The following TRPM3 variants were observed in gnomAD, a reference collection of about 807,000 sequenced individuals.
TRPM3 encodes the protein transient receptor potential cation channel subfamily M member 3.
In TRPM3, 77 loss-of-function variants were observed where a neutral mutation model predicts 181.2. The ratio of observed to expected loss-of-function variants is 0.42; its 90% confidence interval spans 0.35 to 0.51. TRPM3 has a LOEUF of 0.51. TRPM3 is among the 20% of genes least tolerant of loss of function. TRPM3 has a pLI of 0.01. For synonymous variants in TRPM3, 745 were observed against 796.4 expected (o/e 0.94, Z 1.09); for missense variants, 1,759 against 2,196.7 (o/e 0.80, Z 3.98).
chr9:71,028,200 A>T (rs76415262), intron 1 of TRPM3, among the ~76,000 whole-genome samples: 1 of 152,212 alleles, frequency 6.6e-6, no homozygotes, highest in Non-Finnish European at 1.5e-5. Context: ...CAAGAATTTC[A>T]TATTCTACCA....
chr9:70,783,532 C>A (rs10435960), intron 7 of TRPM3, among the ~76,000 whole-genome samples: 23,990 of 152,082 alleles, frequency 0.16, 2,381 homozygotes, highest in East Asian at 0.39. Context: ...AAGAGCCTAA[C>A]AGACCAAGGA....
chr9:70,845,250 G>A (rs1337027), intron 4 of TRPM3, among the ~76,000 whole-genome samples: 86,204 of 151,908 alleles, frequency 0.57, 24,818 homozygotes, highest in Non-Finnish European at 0.58. Context: ...TGTTATTTTT[G>A]TTTTTTGAGA....
chr9:70,758,058 C>T (rs2077404266), intron 8 of TRPM3, among the ~76,000 whole-genome samples: 1 of 152,192 alleles, frequency 6.6e-6, no homozygotes, highest in African/African-American at 2.4e-5. Flanking sequence ...TTGTACATGA[C>T]ATGATTGTAT....
At chr9:71,076,815 AGT>A (rs1312903959) in intron 1 of TRPM3, among the ~76,000 whole-genome samples, 2 of 152,222 alleles carry the variant, frequency 1.3e-5, no homozygotes, top group African/African-American at 4.8e-5. Context: ...CATTAGGTAC[AGT>A]GTGATTGAGA....
intron 8 of TRPM3, chr9:70,761,324 A>T (rs2078089890): frequency 3.2e-6 from 2 of 616,432 alleles, no homozygotes; most frequent in Non-Finnish European, 5.9e-6. Flanking sequence ...CAATTTTATC[A>T]CTTCAACTCA....
At chr9:71,084,808 C>A (rs899134876) in intron 1 of TRPM3, among the ~76,000 whole-genome samples, 2 of 151,722 alleles carry the variant, frequency 1.3e-5, no homozygotes, top group African/African-American at 4.8e-5. Context: ...CAGAAAAGAG[C>A]CTGAACAGTG....
intron 1 of TRPM3, among the ~76,000 whole-genome samples, chr9:71,047,620 T>C (rs1815591202): frequency 6.6e-6 from 1 of 152,186 alleles, no homozygotes; most frequent in Non-Finnish European, 1.5e-5. Context: ...AACATGTTGC[T>C]CATTCTATTA....
intron 1 of TRPM3, among the ~76,000 whole-genome samples, chr9:70,949,230 T>C (rs982049742): frequency 2.6e-5 from 4 of 151,944 alleles, no homozygotes; most frequent in Non-Finnish European, 4.4e-5. Context: ...TTTTTAAAAA[T>C]AATTTTTAGT....
At chr9:70,928,706 G>A (rs1463203376) in intron 1 of TRPM3, among the ~76,000 whole-genome samples, 4 of 152,170 alleles carry the variant, frequency 2.6e-5, no homozygotes, top group Admixed American at 2.6e-4. Flanking sequence ...AAGAAATCAG[G>A]AGGCCCTGAG....
chr9:71,225,071 AC>A (rs1370962504), intron 1 of TRPM3, among the ~76,000 whole-genome samples: 1 of 152,172 alleles, frequency 6.6e-6, no homozygotes, highest in Admixed American at 6.5e-5. Flanking sequence ...AATGTCCCAA[AC>A]CTATAGAAGG....
chr9:70,830,996 T>C (rs1467878894), intron 5 of TRPM3, among the ~76,000 whole-genome samples: 5 of 152,060 alleles, frequency 3.3e-5, no homozygotes, highest in Non-Finnish European at 7.4e-5. Flanking sequence ...TCAATGTAAG[T>C]AAAGAAAAAA....
In TRPM3 at chr9:71,144,476, T is replaced by G. The variant is rs146543741; in HGVS notation, c.184-279965A>C. The stretch of plus-strand genomic sequence containing the variant: ...CTAGACTGTTCTTAAGAATTGTTAT[T>G]GTACCCTTAAGATAAGAAGAATATC... On this transcript the variant is annotated intron_variant, in intron 1 of 24. Transcript: ENST00000357533. Among the ~76,000 whole-genome samples the G allele has an allele frequency of 1.4e-3, 214 of 152,290 alleles. 2 individuals are homozygous for G. Among genetic ancestry groups the G allele is most frequent in the Admixed American group, 2.6e-4 (4 of 15,290 alleles).
At chr9:70,842,862 C>A in intron 5 of TRPM3, 141 bp downstream of exon 5, 1 of 747,110 alleles carries the variant, frequency 1.3e-6, no homozygotes, top group South Asian at 3.2e-5. Flanking sequence ...TCCCAAGATA[C>A]CATTCCTTAA....
chr9:71,265,742 A>C (rs17616798), intron 1 of TRPM3, among the ~76,000 whole-genome samples: 1 of 152,056 alleles, frequency 6.6e-6, no homozygotes, highest in East Asian at 1.9e-4. Context: ...AACACCAGCA[A>C]TATCTATTGT....
intron 6 of TRPM3, among the ~76,000 whole-genome samples, chr9:70,796,913 G>A (rs2087213936): frequency 2.6e-5 from 4 of 152,138 alleles, no homozygotes; most frequent in Admixed American, 2.0e-4. Flanking sequence ...AGGATCACTT[G>A]AGCCCAGGAG....
At chr9:71,342,686 A>G (rs1049850693) in intron 1 of TRPM3, among the ~76,000 whole-genome samples, 7 of 152,286 alleles carry the variant, frequency 4.6e-5, no homozygotes, top group African/African-American at 1.7e-4. Flanking sequence ...TAGGCTTACT[A>G]TAAGATCCAG....
chr9:71,333,434 C>A (rs2090350775), intron 1 of TRPM3, among the ~76,000 whole-genome samples: 1 of 151,950 alleles, frequency 6.6e-6, no homozygotes, highest in African/African-American at 2.4e-5. Flanking sequence ...GATGGTATTT[C>A]CAAGATAAGC....
chr9:71,145,484 T>G (rs2075355708), intron 1 of TRPM3, among the ~76,000 whole-genome samples: 1 of 152,114 alleles, frequency 6.6e-6, no homozygotes, highest in South Asian at 2.1e-4. Flanking sequence ...TACTCAAGAG[T>G]GCTCTGAAAG....
intron 1 of TRPM3, among the ~76,000 whole-genome samples, chr9:71,414,635 G>A (rs1019293606): frequency 6.6e-6 from 1 of 151,924 alleles, no homozygotes; most frequent in African/African-American, 2.4e-5. Context: ...AAATTCTCAG[G>A]TACATGACAT....
Sources: gnomAD v4.1 joint callset for allele counts (sites outside exome capture counted in the v4.1 genomes callset) on GRCh38, gnomAD v4.1.1 for gene constraint, MANE v1.5 for transcripts, NCBI Gene and HGNC (gene_info 2026-07-23, HGNC 2026-07-21) for gene names.